TESK2: variants seen among roughly 807,000 people sequenced by gnomAD.
The protein encoded by TESK2 is testis associated actin remodelling kinase 2.
Under a neutral mutation model 57.1 loss-of-function variants are expected in TESK2, and 39 were observed. The ratio of observed to expected loss-of-function variants is 0.68; its 90% CI spans 0.53 to 0.89. TESK2 has a LOEUF of 0.89. TESK2 is among the 40% of genes least tolerant of loss of function. TESK2 has a pLI of 0.00. For synonymous variants in TESK2, 249 were observed against 267.9 expected, an observed-to-expected ratio of 0.93 and a Z score of 0.69; for missense variants, 646 against 732.1, an observed-to-expected ratio of 0.88 and a Z score of 1.36.
chr1:45,405,558 G>A (rs982676236), intron 3 of TESK2, among the ~76,000 whole-genome samples: 7 of 151,566 alleles, frequency 4.6e-5, no homozygotes, highest in Non-Finnish European at 7.4e-5. Flanking sequence ...TTGGGAGGCC[G>A]AGGCGGGCAG....
At chr1:45,432,758 C>CTT (rs1300292630) in intron 2 of TESK2, among the ~76,000 whole-genome samples, 2,166 of 87,628 alleles carry the variant, frequency 0.025, 30 homozygotes, top group Non-Finnish European at 0.026. Flanking sequence ...AATATTATAA[C>CTT]TTTTTTTTTT....
chr1:45,384,389 G>GTCTATCTATCTA (rs71052870), intron 4 of TESK2, among the ~76,000 whole-genome samples: 257 of 144,366 alleles, frequency 1.8e-3, no homozygotes, highest in African/African-American at 4.8e-3. Context: ...CTATCTATCT[G>GTCTATCTATCTA]TCTATCTATC....
intron 3 of TESK2, among the ~76,000 whole-genome samples, chr1:45,405,644 C>A (rs28670697): frequency 1.3e-5 from 2 of 148,496 alleles, no homozygotes; most frequent in African/African-American, 2.5e-5. Flanking sequence ...ATATCTATAT[C>A]TATATCTATA....
At chr1:45,346,801 A>G (rs376570285) in intron 8 of TESK2, 22 bp from the exon 9 acceptor site, 49 of 1,608,214 alleles carry the variant, frequency 3.0e-5, no homozygotes, top group Non-Finnish European at 3.4e-6. Flanking sequence ...TATGGAAAGC[A>G]TAGGTAGACA....
intron 2 of TESK2, among the ~76,000 whole-genome samples, chr1:45,456,728 A>G (rs984054136): frequency 2.6e-5 from 4 of 152,144 alleles, no homozygotes; most frequent in Non-Finnish European, 5.9e-5. Context: ...GAAATAATGG[A>G]CTTAGGAGCA....
chr1:45,443,385 CA>C (rs1426572117), intron 2 of TESK2, among the ~76,000 whole-genome samples: 1 of 150,804 alleles, frequency 6.6e-6, no homozygotes, highest in African/African-American at 2.4e-5. Context: ...GCCAACATGG[CA>C]AAACCCCATC....
intron 3 of TESK2, among the ~76,000 whole-genome samples, chr1:45,395,717 C>T (rs1018047380): frequency 1.3e-5 from 2 of 151,028 alleles, no homozygotes; most frequent in African/African-American, 4.9e-5. Flanking sequence ...AACAATCTTT[C>T]TGCCTCACCC....
Position 45,367,538 on chromosome 1 carries a change from A to G in TESK2, c.394-12089T>C, listed in dbSNP as rs1328569023. ...TAATTGTTGTATTTTTAGTAGAGATAGGGTTTCACCATGTTTGTCAGGTTG... is the reference window on the plus strand; with the variant it reads ...TAATTGTTGTATTTTTAGTAGAGATGGGGTTTCACCATGTTTGTCAGGTTG... On this transcript the variant is annotated intron_variant, in intron 4 of 10. Transcript: ENST00000372086. Among the ~76,000 whole-genome samples the G allele has an allele frequency of 2.0e-5, 3 of 150,918 alleles. No homozygotes were observed. The East Asian group carries it at 5.9e-4, about 30-fold the overall frequency.
At chr1:45,483,683 G>A (rs1399203237) in intron 1 of TESK2, among the ~76,000 whole-genome samples, 2 of 152,086 alleles carry the variant, frequency 1.3e-5, no homozygotes, top group Non-Finnish European at 2.9e-5. Flanking sequence ...CCGCGAGGGG[G>A]CGGCGGAGGG....
chr1:45,468,152 G>A (rs1303992836), intron 1 of TESK2, among the ~76,000 whole-genome samples: 2 of 151,210 alleles, frequency 1.3e-5, no homozygotes, highest in Non-Finnish European at 2.9e-5. Context: ...TTCCAGCCTG[G>A]GCAATAGAGC....
At chr1:45,417,477 T>C (rs1288410390) in intron 3 of TESK2, among the ~76,000 whole-genome samples, 1 of 152,164 alleles carries the variant, frequency 6.6e-6, no homozygotes, top group African/African-American at 2.4e-5. Flanking sequence ...GTGATCCACC[T>C]GCCTCGGCCT....
At chr1:45,362,643 A>T (rs1429224056) in intron 4 of TESK2, among the ~76,000 whole-genome samples, 1 of 152,180 alleles carries the variant, frequency 6.6e-6, no homozygotes, top group Non-Finnish European at 1.5e-5. Flanking sequence ...AATCTACCCA[A>T]CTGGCCAGGA....
intron 3 of TESK2, among the ~76,000 whole-genome samples, chr1:45,397,214 T>C (rs1006728416): frequency 6.6e-6 from 1 of 152,144 alleles, no homozygotes; most frequent in Admixed American, 6.6e-5. Flanking sequence ...AATAACCCAA[T>C]GAAGTAGTAC....
intron 4 of TESK2, among the ~76,000 whole-genome samples, chr1:45,384,401 A>G (rs58720890): frequency 6.6e-5 from 10 of 150,598 alleles, no homozygotes; most frequent in South Asian, 2.1e-4. Context: ...CTATCTATCT[A>G]TCTATCTATC....
intron 3 of TESK2, among the ~76,000 whole-genome samples, chr1:45,397,183 AT>A (rs1305012233): frequency 1.3e-5 from 2 of 152,160 alleles, no homozygotes; most frequent in African/African-American, 4.8e-5. Context: ...TTTACCTTAT[AT>A]GAAATCATTT....
At chr1:45,346,123 A>G (rs899373000) in intron 9 of TESK2, 129 bp from the exon 10 acceptor site, 7 of 720,774 alleles carry the variant, frequency 9.7e-6, no homozygotes, top group Non-Finnish European at 1.7e-5. Flanking sequence ...AAGGCCCCAG[A>G]CAATGAAGGT....
chr1:45,449,318 A>C (rs938806304), intron 2 of TESK2, among the ~76,000 whole-genome samples: 1 of 152,064 alleles, frequency 6.6e-6, no homozygotes, highest in Non-Finnish European at 1.5e-5. Context: ...TATTTTTACC[A>C]TACAGTCCAC....
chr1:45,396,533 C>A (rs563286850), intron 3 of TESK2, among the ~76,000 whole-genome samples: 1 of 151,738 alleles, frequency 6.6e-6, no homozygotes, highest in Non-Finnish European at 1.5e-5. Flanking sequence ...CTGTTGCCCA[C>A]GCTGGAGTGC....
intron 3 of TESK2, among the ~76,000 whole-genome samples, chr1:45,412,178 A>G (rs1650060759): frequency 6.6e-6 from 1 of 152,378 alleles, no homozygotes; most frequent in African/African-American, 2.4e-5. Context: ...GTGAGCCACA[A>G]AAAGTTTTAA....
Sources: gnomAD v4.1 joint callset for allele counts (sites outside exome capture counted in the v4.1 genomes callset) on GRCh38, gnomAD v4.1.1 for gene constraint, MANE v1.5 for transcripts, NCBI Gene and HGNC (gene_info 2026-07-23, HGNC 2026-07-21) for gene names.